The following ADGRG6 variants were observed in gnomAD, a reference collection of about 807,000 sequenced individuals.
ADGRG6 encodes the protein G-protein coupled receptor 126.
ADGRG6 carries 84 observed loss-of-function variants against 142.4 expected under a neutral mutation model. The ratio of observed to expected loss-of-function variants is 0.59; its 90% CI spans 0.49 to 0.71. The LOEUF (loss-of-function observed/expected upper bound fraction) is 0.71. ADGRG6 is among the 30% of genes least tolerant of loss of function. The pLI is 0.00. For synonymous variants in ADGRG6, 521 were observed against 520.5 expected (o/e 1.00, Z -0.01); for missense variants, 1,367 against 1,466.6 (o/e 0.93, Z 1.11).
chr6:142,372,903 T>A (rs185276519), intron 4 of ADGRG6, among the ~76,000 whole-genome samples: 1 of 152,334 alleles, frequency 6.6e-6, no homozygotes, highest in Non-Finnish European at 1.5e-5. Context: ...TGCCTTTTTA[T>A]GGGACAATGT....
chr6:142,398,676 G>A (rs1775334900), intron 10 of ADGRG6, among the ~76,000 whole-genome samples: 1 of 151,790 alleles, frequency 6.6e-6, no homozygotes, highest in Admixed American at 6.6e-5. Flanking sequence ...CACTCCCACC[G>A]GCAACCTCAT....
intron 2 of ADGRG6, among the ~76,000 whole-genome samples, chr6:142,342,368 C>T (rs949735363): frequency 6.6e-6 from 1 of 151,918 alleles, no homozygotes; most frequent in Admixed American, 6.6e-5. Context: ...GATGATTATT[C>T]AAAATAAGAA....
chr6:142,349,422 C>G (rs757586304), intron 2 of ADGRG6, among the ~76,000 whole-genome samples: 1 of 152,220 alleles, frequency 6.6e-6, no homozygotes, highest in Non-Finnish European at 1.5e-5. Flanking sequence ...GTTGCTTAGA[C>G]TGGCACAAGG....
At chr6:142,384,066 C>T (rs954376649) in intron 6 of ADGRG6, among the ~76,000 whole-genome samples, 6 of 151,962 alleles carry the variant, frequency 3.9e-5, no homozygotes, top group Admixed American at 2.6e-4. Context: ...TCCTCTTTTG[C>T]GCTTTTAGCC....
intron 2 of ADGRG6, among the ~76,000 whole-genome samples, chr6:142,347,131 G>A (rs1373414863): frequency 6.6e-6 from 1 of 151,804 alleles, no homozygotes. Context: ...GAATTCTTAG[G>A]GCTAGAGACA....
At chr6:142,332,879 C>T (rs1466272317) in intron 2 of ADGRG6, among the ~76,000 whole-genome samples, 1 of 152,170 alleles carries the variant, frequency 6.6e-6, no homozygotes, top group African/African-American at 2.4e-5. Context: ...GTAAGGGCTT[C>T]TGTCAGACGC....
intron 2 of ADGRG6, among the ~76,000 whole-genome samples, chr6:142,330,775 T>C (rs983727094): frequency 6.6e-6 from 1 of 152,068 alleles, no homozygotes; most frequent in Non-Finnish European, 1.5e-5. Context: ...GAGGAGGAAT[T>C]TACAACTTAC....
intron 22 of ADGRG6, among the ~76,000 whole-genome samples, chr6:142,428,573 C>T (rs934269901): frequency 1.3e-5 from 2 of 152,096 alleles, no homozygotes; most frequent in Non-Finnish European, 2.9e-5. Flanking sequence ...TTCCATATGG[C>T]TGGGGAGGCC....
At chr6:142,389,943 T>C (rs561718126) in intron 6 of ADGRG6, among the ~76,000 whole-genome samples, 55 of 151,950 alleles carry the variant, frequency 3.6e-4, no homozygotes, top group Middle Eastern at 3.4e-3. Flanking sequence ...ATGAAAACAG[T>C]TAACACATTA....
chr6:142,407,075 C>T (rs981090476), intron 15 of ADGRG6, among the ~76,000 whole-genome samples: 5 of 150,882 alleles, frequency 3.3e-5, no homozygotes, highest in African/African-American at 1.2e-4. Flanking sequence ...TGCCTCGTGC[C>T]TGTAATCCTA....
intron 22 of ADGRG6, among the ~76,000 whole-genome samples, chr6:142,432,586 T>C (rs1489582225): frequency 6.6e-6 from 1 of 152,188 alleles, no homozygotes; most frequent in African/African-American, 2.4e-5. Context: ...CAAAAATTAT[T>C]GAGTGCCTGT....
chr6:142,402,196 A>C (rs577043227), intron 12 of ADGRG6, 138 bp downstream of exon 12: 1 of 546,776 alleles, frequency 1.8e-6, no homozygotes, highest in Non-Finnish European at 3.3e-6. Flanking sequence ...TGTTTCACTT[A>C]AGACAGAAAA....
chr6:142,341,592 ATATAT>A (rs1464971875), intron 2 of ADGRG6, among the ~76,000 whole-genome samples: 5 of 124,680 alleles, frequency 4.0e-5, no homozygotes, highest in African/African-American at 1.6e-4. Flanking sequence ...ATATAATATT[ATATAT>A]TATATATACT....
At chr6:142,362,200 A>C (rs1370216705) in intron 2 of ADGRG6, among the ~76,000 whole-genome samples, 2 of 152,248 alleles carry the variant, frequency 1.3e-5, no homozygotes, top group African/African-American at 4.8e-5. Context: ...CTTCAGTTCA[A>C]CATCTTGTTC....
At chr6:142,333,293 T>G (rs1261531718) in intron 2 of ADGRG6, among the ~76,000 whole-genome samples, 1 of 152,190 alleles carries the variant, frequency 6.6e-6, no homozygotes, top group Non-Finnish European at 1.5e-5. Context: ...ATGACTCCTT[T>G]GTTTTAACTC....
chr6:142,320,183 T>G (rs1778443807), intron 2 of ADGRG6, among the ~76,000 whole-genome samples: 1 of 152,130 alleles, frequency 6.6e-6, no homozygotes, highest in Non-Finnish European at 1.5e-5. Context: ...GCATTAGTAG[T>G]ACTTTACACA....
intron 18 of ADGRG6, among the ~76,000 whole-genome samples, chr6:142,411,851 A>G (rs1776105703): frequency 6.6e-6 from 1 of 152,190 alleles, no homozygotes; most frequent in Non-Finnish European, 1.5e-5. Flanking sequence ...CATTCAATAT[A>G]TTTGAACGTT....
At chr6:142,359,159 A>G (rs553796410) in intron 2 of ADGRG6, among the ~76,000 whole-genome samples, 20 of 142,620 alleles carry the variant, frequency 1.4e-4, no homozygotes, top group Non-Finnish European at 2.9e-4. Context: ...GTGAGCCATG[A>G]TTGTACCAGT....
At chr6:142,312,826 TA>T (rs1460045058) in intron 2 of ADGRG6, among the ~76,000 whole-genome samples, 1 of 152,148 alleles carries the variant, frequency 6.6e-6, no homozygotes, top group Non-Finnish European at 1.5e-5. Context: ...TTATGTGCAT[TA>T]TTTTACATTC....
Sources: gnomAD v4.1 joint callset for allele counts (sites outside exome capture counted in the v4.1 genomes callset) on GRCh38, gnomAD v4.1.1 for gene constraint, MANE v1.5 for transcripts, NCBI Gene and HGNC (gene_info 2026-07-23, HGNC 2026-07-21) for gene names.